The following CRYL1 variants were observed in gnomAD, a reference collection of about 807,000 sequenced individuals.
The protein encoded by CRYL1 is crystallin lambda 1.
A neutral mutation model predicts 36.6 loss-of-function variants in CRYL1; 29 were observed. The observed-to-expected ratio is 0.79, with a 90% CI of 0.59 to 1.08. CRYL1 has a LOEUF of 1.08. Ranked by LOEUF, CRYL1 falls within the 50% of genes least tolerant of loss-of-function variation. CRYL1 has a pLI of 0.00. For missense variants in CRYL1, 411 were observed against 407.9 expected (o/e 1.01, Z -0.06); for synonymous variants, 152 against 151.5 (o/e 1.00, Z -0.02).
At chr13:20,431,937 G>A (rs572872303) in intron 5 of CRYL1, 165 bp downstream of exon 5, 1 of 1,535,658 alleles carries the variant, frequency 6.5e-7, no homozygotes, top group Non-Finnish European at 8.7e-7. Context: ...TTCTAAAGCT[G>A]GCCCTTGGTC....
At chr13:20,448,227 C>T (rs753421643) in intron 3 of CRYL1, among the ~76,000 whole-genome samples, 12 of 152,026 alleles carry the variant, frequency 7.9e-5, no homozygotes, top group Non-Finnish European at 1.5e-4. Context: ...GGCTAGTCAA[C>T]GGAAATCAGA....
intron 2 of CRYL1, among the ~76,000 whole-genome samples, chr13:20,511,434 C>G (rs2033916776): frequency 6.6e-6 from 1 of 152,060 alleles, no homozygotes; most frequent in African/African-American, 2.4e-5. Context: ...CTCGCATTGA[C>G]TATTTGTAAC....
intron 3 of CRYL1, among the ~76,000 whole-genome samples, chr13:20,448,191 C>T (rs1248180720): frequency 2.6e-5 from 4 of 152,126 alleles, no homozygotes; most frequent in African/African-American, 9.7e-5. Context: ...CTCAACACAG[C>T]TGAGGAAAGA....
At chr13:20,424,636 G>GAGGA (rs1446351059) in intron 5 of CRYL1, among the ~76,000 whole-genome samples, 4 of 152,234 alleles carry the variant, frequency 2.6e-5, no homozygotes, top group African/African-American at 9.6e-5. Context: ...GATGCTGTCA[G>GAGGA]AGGAGACAGA....
chr13:20,456,613 C>CAA (rs2032691784), intron 3 of CRYL1, among the ~76,000 whole-genome samples: 1 of 40,140 alleles, frequency 2.5e-5, no homozygotes, highest in Non-Finnish European at 5.1e-5. Flanking sequence ...AAAACACACA[C>CAA]ACACACACAC....
Position 20,439,690 on chromosome 13 carries a change from T to C in CRYL1, c.341A>G (p.Asp114Gly), listed in dbSNP as rs776274999. 3.7e-6 allele frequency: 6 copies of C among 1,613,984 alleles called. No homozygotes were observed. The Admixed American group carries it at 1.0e-4, about 27-fold the overall frequency. ...KIFAQLDSIIDDRVILSSSTS... is the reference protein window; with the variant it reads ...KIFAQLDSIIGDRVILSSSTS... ...GGAACTGCTTAAGATCACTCGATCATCAATGATGGAATCTAACTGAGCAAA... is the reference window on the plus strand; with the variant it reads ...GGAACTGCTTAAGATCACTCGATCACCAATGATGGAATCTAACTGAGCAAA... The change falls in exon 4 of 8, where the codon GAT becomes GGT. Residue 114 changes from aspartate (D) to glycine (G), a missense_variant. By Grantham distance (94) the Asp-to-Gly change is moderately conservative. Transcript: ENST00000298248.
At chr13:20,407,934 G>A (rs1027624628) in intron 6 of CRYL1, among the ~76,000 whole-genome samples, 6 of 152,124 alleles carry the variant, frequency 3.9e-5, no homozygotes, top group Non-Finnish European at 7.4e-5. Context: ...ACCCCAGCCC[G>A]AGGCCACAGC....
intron 2 of CRYL1, among the ~76,000 whole-genome samples, chr13:20,498,344 TAC>T (rs1229951530): frequency 9.6e-6 from 1 of 104,126 alleles, no homozygotes; most frequent in Non-Finnish European, 2.1e-5. Flanking sequence ...ACATACCTCA[TAC>T]ACACACTATA....
chr13:20,424,797 G>A (rs951079860), intron 5 of CRYL1, among the ~76,000 whole-genome samples: 1 of 152,096 alleles, frequency 6.6e-6, no homozygotes, highest in African/African-American at 2.4e-5. Flanking sequence ...AGAGCAACAG[G>A]AAGAAAAGGC....
intron 5 of CRYL1, chr13:20,427,054 C>T: frequency 2.0e-6 from 2 of 985,500 alleles, no homozygotes; most frequent in South Asian, 9.4e-5. Flanking sequence ...ATACCCTGCC[C>T]TCATGGGAAA....
intron 5 of CRYL1, among the ~76,000 whole-genome samples, chr13:20,420,700 G>GGTTTTTTTTTTT (rs2031779673): frequency 2.7e-5 from 1 of 36,430 alleles, no homozygotes; most frequent in Non-Finnish European, 7.2e-5. Context: ...TAAAATAGAG[G>GGTTTTTTTTTTT]TTGTGTGTGT....
chr13:20,507,906 A>G (rs2033831720), intron 2 of CRYL1, among the ~76,000 whole-genome samples: 1 of 150,926 alleles, frequency 6.6e-6, no homozygotes, highest in Non-Finnish European at 1.5e-5. Flanking sequence ...CAACAGAGCA[A>G]GACTTTTCAT....
intron 3 of CRYL1, among the ~76,000 whole-genome samples, chr13:20,461,336 A>G (rs904107219): frequency 3.3e-5 from 5 of 152,170 alleles, no homozygotes; most frequent in African/African-American, 1.2e-4. Context: ...CATGGTTTTT[A>G]TATCTCACTT....
chr13:20,514,225 G>T (rs1284226134), intron 1 of CRYL1, among the ~76,000 whole-genome samples: 1 of 152,196 alleles, frequency 6.6e-6, no homozygotes, highest in Admixed American at 6.5e-5. Flanking sequence ...GGGTCACCAC[G>T]CAGTGGAGAA....
intron 2 of CRYL1, among the ~76,000 whole-genome samples, chr13:20,505,380 A>AAAAAAAAAAAAAAAAAAAC (rs2033777576): frequency 1.4e-5 from 2 of 145,352 alleles, no homozygotes; most frequent in Non-Finnish European, 3.0e-5. Context: ...AAAAAAAAAA[A>AAAAAAAAAAAAAAAAAAAC]AATCAGAATA....
intron 1 of CRYL1, among the ~76,000 whole-genome samples, chr13:20,522,614 G>A (rs552553137): frequency 1.3e-5 from 2 of 152,238 alleles, no homozygotes; most frequent in African/African-American, 2.4e-5. Context: ...ATCCTTAGGG[G>A]AAAGGCCCAG....
chr13:20,472,165 TCC>T (rs2033074922), intron 3 of CRYL1, among the ~76,000 whole-genome samples: 1 of 152,046 alleles, frequency 6.6e-6, no homozygotes, highest in Non-Finnish European at 1.5e-5. Context: ...CCGGCCCAAG[TCC>T]CTGATTTTTA....
intron 4 of CRYL1, among the ~76,000 whole-genome samples, chr13:20,434,595 A>ACCCACACGCGCCCCCCCACC: frequency 2.0e-5 from 1 of 50,492 alleles, no homozygotes; most frequent in East Asian, 6.0e-4. Context: ...GCCCACCCAC[A>ACCCACACGCGCCCCCCCACC]CCCACACGCG....
chr13:20,489,238 A>G (rs2033459753), intron 3 of CRYL1, 132 bp downstream of exon 3: 3 of 1,089,888 alleles, frequency 2.8e-6, no homozygotes, highest in Non-Finnish European at 3.9e-6. Context: ...TATCACATAA[A>G]ACAAAATCCT....
Sources: allele counts gnomAD v4.1 joint callset (sites outside exome capture counted in the v4.1 genomes callset), GRCh38; gene constraint gnomAD v4.1.1; transcripts MANE v1.5; gene names NCBI Gene and HGNC (gene_info 2026-07-23, HGNC 2026-07-21).